Variants in DDAH1 observed in about 807,000 individuals in gnomAD.
DDAH1 encodes the protein N(G),N(G)-dimethylarginine dimethylaminohydrolase 1.
In DDAH1, 19 loss-of-function variants were observed where a neutral mutation model predicts 28.8. The ratio of observed to expected loss-of-function variants is 0.66; its 90% CI spans 0.46 to 0.97. The LOEUF (loss-of-function observed/expected upper bound fraction) is 0.97, where lower values mean the gene tolerates loss of function less well. Among genes scored for constraint, DDAH1 ranks in the 50% least tolerant of loss-of-function variants. DDAH1 has a pLI of 0.00. For synonymous variants in DDAH1, 153 were observed against 154.4 expected, an observed-to-expected ratio of 0.99 and a Z score of 0.07; for missense variants, 326 against 375.9, an observed-to-expected ratio of 0.87 and a Z score of 1.10.
intron 1 of DDAH1, among the ~76,000 whole-genome samples, chr1:85,541,664 T>C (rs922055609): frequency 6.6e-6 from 1 of 152,230 alleles, no homozygotes; most frequent in Non-Finnish European, 1.5e-5. Flanking sequence ...CTGAATATTG[T>C]GTCCCCGTAG....
chr1:85,468,763 CCG>C (rs1344451787), upstream of DDAH1, among the ~76,000 whole-genome samples: 3 of 152,158 alleles, frequency 2.0e-5, no homozygotes, highest in Admixed American at 2.0e-4. Flanking sequence ...TGTGATCCAC[CCG>C]CCTCGGCCTC....
intron 1 of DDAH1, among the ~76,000 whole-genome samples, chr1:85,371,710 C>CTTTA (rs1650394786): frequency 6.6e-6 from 1 of 152,168 alleles, no homozygotes; most frequent in South Asian, 2.1e-4. Context: ...CACCATAGGA[C>CTTTA]TAAATGAAAG....
rs537812932 is a variant in DDAH1 at position 85,455,847 on chromosome 1, T to C, written c.303+8896A>G. 1.3e-4 allele frequency among the ~76,000 whole-genome samples: 20 copies of C among 152,360 alleles called. No individual in the cohort carries two copies. The South Asian group carries it at 2.3e-3, about 17-fold the overall frequency. ...GGTTGAGTAAGCAGAGCTTTTGAAA[T>C]AGATTTAGCAAATTCAACTGCATCT... On this transcript the variant is annotated intron_variant, in intron 1 of 5. Transcript: ENST00000284031.
chr1:85,471,185 A>G (rs569964435), intron 2 of DDAH1, among the ~76,000 whole-genome samples: 1 of 152,336 alleles, frequency 6.6e-6, no homozygotes, highest in South Asian at 2.1e-4. Context: ...TTGTAGCAAC[A>G]GCTCCATCCT....
At chr1:85,385,054 A>C (rs1287339141) in intron 1 of DDAH1, among the ~76,000 whole-genome samples, 1 of 152,238 alleles carries the variant, frequency 6.6e-6, no homozygotes, top group Non-Finnish European at 1.5e-5. Flanking sequence ...GTTAATAAGC[A>C]AATTTAACCA....
At chr1:85,365,093 A>G (rs1238167284) in intron 1 of DDAH1, among the ~76,000 whole-genome samples, 3 of 152,200 alleles carry the variant, frequency 2.0e-5, no homozygotes, top group Non-Finnish European at 4.4e-5. Flanking sequence ...TTTAACTTTT[A>G]CAACCTGATG....
chr1:85,366,114 AAAC>A (rs1340783573), intron 1 of DDAH1, among the ~76,000 whole-genome samples: 1 of 152,020 alleles, frequency 6.6e-6, no homozygotes, highest in Non-Finnish European at 1.5e-5. Context: ...AAAAAAAACA[AAAC>A]AACCAACAAA....
intron 1 of DDAH1, among the ~76,000 whole-genome samples, chr1:85,391,501 A>C (rs1001164059): frequency 1.3e-5 from 2 of 152,146 alleles, no homozygotes; most frequent in African/African-American, 4.8e-5. Context: ...AATGTAGGAA[A>C]AATTTAGGGT....
intron 1 of DDAH1, among the ~76,000 whole-genome samples, chr1:85,577,363 T>C (rs956067893): frequency 2.6e-5 from 4 of 152,056 alleles, no homozygotes. Context: ...AATGGGATGG[T>C]ACGGGGGCGC....
intron 1 of DDAH1, among the ~76,000 whole-genome samples, chr1:85,401,826 A>C (rs1028337760): frequency 3.3e-5 from 5 of 152,120 alleles, no homozygotes; most frequent in African/African-American, 1.2e-4. Context: ...TGAGCTCTTA[A>C]AATTCCTATT....
At chr1:85,406,246 A>G (rs1652397713) in intron 1 of DDAH1, among the ~76,000 whole-genome samples, 1 of 152,234 alleles carries the variant, frequency 6.6e-6, no homozygotes, top group Admixed American at 6.5e-5. Flanking sequence ...GTCCTCATAG[A>G]GATTTATGAA....
chr1:85,514,444 G>T (rs1258590433), intron 1 of DDAH1, among the ~76,000 whole-genome samples: 3 of 151,532 alleles, frequency 2.0e-5, no homozygotes, highest in African/African-American at 7.3e-5. Context: ...ATGAATTGAT[G>T]GGTGCAGCAA....
intron 2 of DDAH1, chr1:85,482,635 CA>C (rs1259509423): frequency 6.6e-6 from 1 of 152,176 alleles, no homozygotes; most frequent in East Asian, 1.9e-4. Flanking sequence ...GCATGCTTAA[CA>C]GACATTGCAT....
At position 85,319,471 on chromosome 1, in the gene DDAH1, A is replaced by G. The variant is rs1283329817; in HGVS notation, c.*1981T>C. On this transcript the variant is annotated 3_prime_UTR_variant, in exon 6 of 6. Transcript: ENST00000284031. ...TATATGCTGGTAAGCCTAAACTGGCAGATTGGGCCATTTTTCCTGTGGTTG... is the reference window on the plus strand; with the variant it reads ...TATATGCTGGTAAGCCTAAACTGGCGGATTGGGCCATTTTTCCTGTGGTTG... The G allele has an allele frequency of 6.6e-6, 1 of 152,220 alleles. No individual in the cohort carries two copies. The highest frequency in any genetic ancestry group is 1.5e-5 in the Non-Finnish European group (1 of 68,036). 9.4% of individuals were successfully genotyped at this position (152,220 alleles called of 1,614,324 possible).
intron 1 of DDAH1, among the ~76,000 whole-genome samples, chr1:85,548,569 G>A (rs1156620181): frequency 6.6e-5 from 10 of 152,206 alleles, no homozygotes; most frequent in African/African-American, 2.4e-4. Context: ...ACAAACTATA[G>A]ATAAAGAGTA....
chr1:85,395,098 T>C (rs1205389744), intron 1 of DDAH1, among the ~76,000 whole-genome samples: 1 of 152,088 alleles, frequency 6.6e-6, no homozygotes, highest in Non-Finnish European at 1.5e-5. Flanking sequence ...TTATAAAAAG[T>C]CATGAGAATA....
intron 4 of DDAH1, among the ~76,000 whole-genome samples, chr1:85,329,088 C>T (rs1427364852): frequency 1.3e-5 from 2 of 152,186 alleles, no homozygotes; most frequent in African/African-American, 4.8e-5. Flanking sequence ...GGGCAAATTC[C>T]CCACCTCTCA....
At chr1:85,350,277 T>C (rs1048045645) in intron 4 of DDAH1, 138 bp downstream of exon 4, 2 of 1,091,916 alleles carry the variant, frequency 1.8e-6, no homozygotes, top group Non-Finnish European at 2.6e-6. Context: ...GTCACAACAG[T>C]GCACATCACA....
chr1:85,540,361 T>A (rs1031036042), intron 1 of DDAH1, among the ~76,000 whole-genome samples: 1 of 152,160 alleles, frequency 6.6e-6, no homozygotes, highest in African/African-American at 2.4e-5. Context: ...TTACTCTACA[T>A]GCCCAAAGAC....
Sources: gnomAD v4.1 joint callset for allele counts (sites outside exome capture counted in the v4.1 genomes callset) on GRCh38, gnomAD v4.1.1 for gene constraint, MANE v1.5 for transcripts, NCBI Gene and HGNC (gene_info 2026-07-23, HGNC 2026-07-21) for gene names.